KIF17: variants seen among roughly 807,000 people sequenced by gnomAD.
The protein encoded by KIF17 is kinesin family member 17.
A neutral mutation model predicts 96.8 loss-of-function variants in KIF17; 80 were observed. That is an observed-to-expected ratio of 0.83 (90% CI 0.69 to 1.00). The LOEUF (loss-of-function observed/expected upper bound fraction) is 1.00. KIF17 is among the 50% of genes least tolerant of loss of function. The probability of loss-of-function intolerance (pLI) is 0.00; values close to 1 mark genes in which losing one functional copy is unlikely to be tolerated. For synonymous variants in KIF17, 567 were observed against 587.5 expected, an observed-to-expected ratio of 0.97 and a Z score of 0.51; for missense variants, 1,280 against 1,372.9, an observed-to-expected ratio of 0.93 and a Z score of 1.07.
At chr1:20,684,762 T>C (rs2154535902) in intron 10 of KIF17, 47 bp downstream of exon 10, 1 of 1,525,468 alleles carries the variant, frequency 6.6e-7, no homozygotes, top group Non-Finnish European at 8.9e-7. Flanking sequence ...GGCAGCCCCT[T>C]CCCACCTCAC....
At chr1:20,662,752 C>G (rs1232372671), downstream of KIF17, among the ~76,000 whole-genome samples, 1 of 152,246 alleles carries the variant, frequency 6.6e-6, no homozygotes, top group East Asian at 1.9e-4. Context: ...TTCCATGGAA[C>G]AGGAATGGCC....
In KIF17 at chr1:20,669,083, T is replaced by C. The variant is rs1004992598; in HGVS notation, c.2790+1338A>G. On this transcript the variant is annotated intron_variant, in intron 13 of 14. Coordinates refer to ENST00000400463, the MANE Select transcript of KIF17 (RefSeq NM_001122819.3). ...GATCTGTAAATAATAACAACTTTCA[T>C]ATCATTGTTCATGGAGTTGTGTCAT... Among the ~76,000 whole-genome samples the C allele has an allele frequency of 4.6e-5, 7 of 152,014 alleles. No homozygotes were observed. In the East Asian group the frequency reaches 1.4e-3, roughly 30 times the overall value.
chr1:20,688,216 T>G (rs549704891), intron 7 of KIF17, among the ~76,000 whole-genome samples: 17 of 151,960 alleles, frequency 1.1e-4, no homozygotes, highest in Non-Finnish European at 2.2e-4. Flanking sequence ...CTGGCTAATT[T>G]TTTTTGTATT....
At chr1:20,708,220 C>T (rs909692756) in intron 4 of KIF17, among the ~76,000 whole-genome samples, 12 of 152,154 alleles carry the variant, frequency 7.9e-5, no homozygotes, top group South Asian at 2.1e-4. Context: ...TCAGCATCCC[C>T]GGGACACTCA....
chr1:20,686,121 A>T lies in KIF17; in HGVS notation c.1944T>A (p.Pro648=). Residue 648 remains proline, a synonymous_variant, in exon 9 of 15, where the codon CCT becomes CCA. Coordinates refer to ENST00000400463, the MANE Select transcript of KIF17 (RefSeq NM_001122819.3). ...TGGGCTCCAGCAGGTCTGTCGGCGC[A>T]GGGACCTGGGAGGAAAGAGGGGATG... ...ADVPKVPVQV[P]APTDLLEPSD... 2 of 1,566,564 alleles carry T rather than the reference A, an allele frequency of 1.3e-6. No homozygotes were observed. Among genetic ancestry groups the T allele is most frequent in the Non-Finnish European group, 1.7e-6 (2 of 1,155,302 alleles).
chr1:20,713,867 AAAAC>A (rs939802432), intron 2 of KIF17, among the ~76,000 whole-genome samples: 17 of 152,210 alleles, frequency 1.1e-4, no homozygotes, highest in African/African-American at 3.1e-4. Flanking sequence ...AACAAAAACA[AAAAC>A]AAACAAAAAA....
At chr1:20,679,690 A>C (rs2154535549) in intron 11 of KIF17, among the ~76,000 whole-genome samples, 2 of 152,220 alleles carry the variant, frequency 1.3e-5, no homozygotes, top group Middle Eastern at 6.8e-3. Flanking sequence ...AGAGTGACCC[A>C]CAGTCGACAG....
intron 13 of KIF17, among the ~76,000 whole-genome samples, chr1:20,669,746 C>T (rs1028854157): frequency 2.0e-5 from 3 of 146,730 alleles, no homozygotes; most frequent in Non-Finnish European, 4.5e-5. Flanking sequence ...GTGGTGCGCG[C>T]CTGTAGTCCC....
At chr1:20,663,262 C>T (rs1427145593), downstream of KIF17, among the ~76,000 whole-genome samples, 1 of 152,108 alleles carries the variant, frequency 6.6e-6, no homozygotes, top group African/African-American at 2.4e-5. Flanking sequence ...GACCTGATCT[C>T]ACCGGCTCTG....
At chr1:20,674,982 TCTA>T (rs1428952405) in intron 11 of KIF17, among the ~76,000 whole-genome samples, 1 of 151,870 alleles carries the variant, frequency 6.6e-6, no homozygotes, top group Non-Finnish European at 1.5e-5. Flanking sequence ...AAATCCCATC[TCTA>T]CTAAAAAATA....
At chr1:20,692,497 G>A (rs1217852204) in intron 6 of KIF17, among the ~76,000 whole-genome samples, 1 of 152,074 alleles carries the variant, frequency 6.6e-6, no homozygotes, top group Admixed American at 6.6e-5. Context: ...ACATGTGCAT[G>A]CCACCATGCC....
chr1:20,716,856 C>T (rs2054586872), intron 1 of KIF17, among the ~76,000 whole-genome samples: 1 of 152,228 alleles, frequency 6.6e-6, no homozygotes, highest in Non-Finnish European at 1.5e-5. Flanking sequence ...CCTTGCAGAG[C>T]TCATGAGCTT....
intron 6 of KIF17, among the ~76,000 whole-genome samples, chr1:20,697,754 G>A (rs926937265): frequency 1.3e-5 from 2 of 152,150 alleles, no homozygotes; most frequent in African/African-American, 4.8e-5. Context: ...AGGCAGGAGT[G>A]GGGGGGCCCC....
In KIF17 at chr1:20,687,879, T is replaced by C. The variant is rs764670643; in HGVS notation, c.1447A>G (p.Ser483Gly). 3.7e-6 allele frequency: 6 copies of C among 1,613,866 alleles called. No homozygotes were observed. In the African/African-American group the frequency reaches 6.7e-5, roughly 18 times the overall value. Residue 483 changes from serine (S) to glycine (G), a missense_variant, in exon 8 of 15, where the codon AGC becomes GGC. Coordinates refer to ENST00000400463, the MANE Select transcript of KIF17 (RefSeq NM_001122819.3). This position sits in a 1 kb window ranked among gnomAD's most constrained non-coding sequence, Gnocchi z 4.4. ...EVMSRAEFAS[S>G]AEYPPAFQYE... ...TGAAAAGCAGGCGGGTACTCAGCGC[T>C]GCTGGCAAACTCAGCCCTGGACATG...
rs1160639519 is a variant in KIF17, at chr1:20,699,738, T to G, written c.1124-1250A>C. Among the ~76,000 whole-genome samples the G allele has an allele frequency of 6.7e-6, 1 of 149,532 alleles. No individual in the cohort carries two copies. The highest frequency in any genetic ancestry group is 1.5e-5 in the Non-Finnish European group (1 of 67,944). On this transcript the variant is annotated intron_variant, in intron 5 of 14. Coordinates refer to ENST00000400463, the MANE Select transcript of KIF17 (RefSeq NM_001122819.3). The surrounding 1 kb of genome is among the most constrained non-coding windows in gnomAD (Gnocchi z 4.3). ...GAGTGCGAGGGCCCTGAGGCGGTTGTGAGACTGCACTGTTCCTGGCCCAGC... is the reference window on the plus strand; with the variant it reads ...GAGTGCGAGGGCCCTGAGGCGGTTGGGAGACTGCACTGTTCCTGGCCCAGC...
At chr1:20,662,648 C>T (rs1378435557), downstream of KIF17, among the ~76,000 whole-genome samples, 1 of 152,200 alleles carries the variant, frequency 6.6e-6, no homozygotes, top group Non-Finnish European at 1.5e-5. Flanking sequence ...TAAGAGTCGG[C>T]CACGGCACAG....
chr1:20,691,812 T>C (rs968300052), intron 6 of KIF17, among the ~76,000 whole-genome samples: 3 of 152,196 alleles, frequency 2.0e-5, no homozygotes, highest in African/African-American at 7.2e-5. Context: ...ATGCATTTGT[T>C]TGCAATCTAT....
intron 8 of KIF17, among the ~76,000 whole-genome samples, chr1:20,686,528 A>G (rs1395767460): frequency 6.6e-6 from 1 of 152,146 alleles, no homozygotes; most frequent in Non-Finnish European, 1.5e-5. Flanking sequence ...AGAGGAAAGG[A>G]AAGCAGAGAA....
At position 20,686,515 on chromosome 1, in the gene KIF17, C is replaced by T. The variant is rs946928238; in HGVS notation, c.1939-389G>A. 5.0e-5 allele frequency: 15 copies of T among 302,384 alleles called. No individual in the cohort carries two copies. The South Asian group carries it at 6.5e-4, about 13-fold the overall frequency. 18.7% of individuals were successfully genotyped at this position (302,384 alleles called of 1,614,324 possible). ...CACACACAAAATACACACACACACA[C>T]ACAGAGGAAAGGAAAGCAGAGAACA... On this transcript the variant is annotated intron_variant, in intron 8 of 14. Transcript: ENST00000400463.
Sources: allele counts gnomAD v4.1 joint callset (sites outside exome capture counted in the v4.1 genomes callset), GRCh38; gene constraint gnomAD v4.1.1; non-coding constraint Gnocchi (gnomAD v3.1); transcripts MANE v1.5; gene names NCBI Gene and HGNC (gene_info 2026-07-23, HGNC 2026-07-21).